Variants in UBE3C observed in about 807,000 individuals in gnomAD.
The protein encoded by UBE3C is ubiquitin-protein ligase E3C.
A neutral mutation model predicts 129.4 loss-of-function variants in UBE3C; 42 were observed. The ratio of observed to expected loss-of-function variants is 0.32; its 90% CI spans 0.25 to 0.42. UBE3C has a LOEUF of 0.42. UBE3C is among the 10% of genes least tolerant of loss of function. The probability of loss-of-function intolerance (pLI) is 1.00; values close to 1 mark genes in which losing one functional copy is unlikely to be tolerated. For missense variants in UBE3C, 1,049 were observed against 1,319.1 expected, an observed-to-expected ratio of 0.80 and a Z score of 3.17; for synonymous variants, 510 against 492.4, an observed-to-expected ratio of 1.04 and a Z score of -0.47.
intron 14 of UBE3C, among the ~76,000 whole-genome samples, chr7:157,219,730 C>T (rs920907379): frequency 6.6e-6 from 1 of 152,138 alleles, no homozygotes; most frequent in Non-Finnish European, 1.5e-5. Context: ...GAAACCCCAT[C>T]TCTGCTAAAA....
chr7:157,175,253 G>T (rs1808488406), intron 5 of UBE3C, among the ~76,000 whole-genome samples: 3 of 146,950 alleles, frequency 2.0e-5, no homozygotes, highest in Non-Finnish European at 4.4e-5. Context: ...GTATCTTTCA[G>T]ATGACTTTTT....
rs753371189 is a variant in UBE3C at position 157,253,939 on chromosome 7, G to A, written c.2695-15G>A. 45 of 1,556,128 alleles carry A rather than the reference G, an allele frequency of 2.9e-5. No individual in the cohort carries two copies. The highest frequency in any genetic ancestry group is 2.9e-4 in the South Asian group (24 of 83,920). Reference sequence around the variant, plus strand: ...ACTTTGAGGATTTTGAGATCCTTACGTTTTGTATTCCCAGGTAGTTGAACT... The same window carrying A: ...ACTTTGAGGATTTTGAGATCCTTACATTTTGTATTCCCAGGTAGTTGAACT... On this transcript the variant is annotated splice_polypyrimidine_tract_variant and intron_variant, in intron 19 of 22. Transcript: ENST00000348165.
At chr7:157,259,440 AGT>A (rs1796840449) in intron 22 of UBE3C, among the ~76,000 whole-genome samples, 1 of 152,252 alleles carries the variant, frequency 6.6e-6, no homozygotes, top group African/African-American at 2.4e-5. Context: ...ATTTTCACAC[AGT>A]GTGTTTATGA....
intron 13 of UBE3C, among the ~76,000 whole-genome samples, chr7:157,211,173 A>AGAGAGAGAGAGAGAGG (rs1809583410): frequency 6.6e-6 from 1 of 151,518 alleles, no homozygotes; most frequent in African/African-American, 2.4e-5. Flanking sequence ...GTCTGGAGAG[A>AGAGAGAGAGAGAGAGG]GAGAGAGAGA....
At chr7:157,254,334 G>T in intron 21 of UBE3C, 24 bp downstream of exon 21, 1 of 1,398,744 alleles carries the variant, frequency 7.1e-7, no homozygotes, top group Non-Finnish European at 9.4e-7. Context: ...GCTAGTTATT[G>T]TTTCTGAAAA....
In UBE3C at chr7:157,207,892, A is replaced by C. The variant is rs779194521; in HGVS notation, c.1766A>C (p.Gln589Pro). The change falls in exon 13 of 23, where the codon CAA becomes CCA. Residue 589 changes from glutamine (Q) to proline (P), a missense_variant. Coordinates refer to ENST00000348165, the MANE Select transcript of UBE3C (RefSeq NM_014671.3). ...IGVTTSSEMQQCIQMEQKRWI... is the reference protein window; with the variant it reads ...IGVTTSSEMQPCIQMEQKRWI... The stretch of plus-strand genomic sequence containing the variant: ...GTTACTACTAGCTCTGAAATGCAAC[A>C]ATGCATACAGATGGAACAGAAAAGA... 3 of 1,612,036 alleles carry C rather than the reference A, an allele frequency of 1.9e-6. No individual in the cohort carries two copies. The highest frequency in any genetic ancestry group is 2.5e-6 in the Non-Finnish European group (3 of 1,179,206).
intron 4 of UBE3C, 60 bp from the exon 5 acceptor site, chr7:157,174,859 A>C (rs1808472650): frequency 2.9e-6 from 4 of 1,364,506 alleles, no homozygotes; most frequent in Non-Finnish European, 4.0e-6. Flanking sequence ...GGTATTATGT[A>C]AATTAGCAAA....
intron 13 of UBE3C, 28 bp from the exon 14 acceptor site, chr7:157,216,839 G>A: frequency 6.4e-7 from 1 of 1,570,040 alleles, no homozygotes; most frequent in Non-Finnish European, 8.8e-7. Flanking sequence ...GCTCACGTGT[G>A]TGACGCGGAT....
chr7:157,186,739 G>T lies in UBE3C; in HGVS notation c.1144-95G>T, dbSNP rs1808816461. ...TTTGAGATGATGCCTAGCTTTCTTT[G>T]CCCGAAGAAAAATGTGATTTCGTAT... On this transcript the variant is annotated intron_variant, in intron 9 of 22. Transcript: ENST00000348165. 1.3e-5 allele frequency: 18 copies of T among 1,432,818 alleles called. 1 individual carries two copies. The South Asian group carries it at 2.2e-4, about 18-fold the overall frequency. The allele number at this position is 1,432,818 out of a possible 1,614,324, so 88.8% of individuals were successfully genotyped here. A position where few individuals can be genotyped will look rare whatever the true frequency, so the allele number is the denominator to read the frequency against.
intron 14 of UBE3C, among the ~76,000 whole-genome samples, chr7:157,219,221 C>G (rs1007861022): frequency 1.3e-5 from 2 of 152,174 alleles, no homozygotes; most frequent in African/African-American, 4.8e-5. Context: ...AATAGCTGCA[C>G]CTCTTCCTTA....
Position 157,161,454 on chromosome 7 carries a change from CTT to C in UBE3C, c.67-2342_67-2341del, listed in dbSNP as rs58211871. Among the ~76,000 whole-genome samples, 399 of 141,148 alleles carry C rather than the reference CTT, an allele frequency of 2.8e-3. 2 individuals carry two copies. Among genetic ancestry groups the C allele is most frequent in the African/African-American group, 7.6e-3 (289 of 37,910 alleles). The allele number at this position is 141,148 out of a possible 152,430, so 92.6% of individuals were successfully genotyped here. On this transcript the variant is annotated intron_variant, in intron 1 of 22. Coordinates refer to ENST00000348165, the MANE Select transcript of UBE3C (RefSeq NM_014671.3). ...TGGAGGATTAATTTCTTTGATTTTACTTTTTTTTTTTTTTTGAGACAGGGTCT... is the reference window on the plus strand; with the variant it reads ...TGGAGGATTAATTTCTTTGATTTTACTTTTTTTTTTTTTGAGACAGGGTCT...
Position 157,186,964 on chromosome 7 carries a change from T to G in UBE3C, c.1274T>G (p.Met425Arg). ...DSASEEVFTT[M>R]ASVCHTLMVQ... is the part of the protein sequence containing the mutation. ...GCGAGCGAGGAGGTCTTCACCACCA[T>G]GGCCTCCGTCTGCCACACGCTGATG... The change falls in exon 10 of 23, where the codon ATG (methionine) becomes AGG (arginine). Residue 425 changes from methionine to arginine, a missense_variant. Coordinates refer to ENST00000348165, the MANE Select transcript of UBE3C (RefSeq NM_014671.3). 6.2e-7 allele frequency: 1 copy of G among 1,613,310 alleles called. No individual in the cohort carries two copies. The highest frequency in any genetic ancestry group is 8.5e-7 in the Non-Finnish European group (1 of 1,179,674).
chr7:157,240,850 G>A (rs574201658), intron 18 of UBE3C, among the ~76,000 whole-genome samples: 12 of 152,302 alleles, frequency 7.9e-5, no homozygotes, highest in African/African-American at 2.9e-4. Flanking sequence ...GGTAGCTAAG[G>A]TGGAGTTGAG....
intron 10 of UBE3C, among the ~76,000 whole-genome samples, chr7:157,189,485 T>C (rs1808895139): frequency 6.6e-6 from 1 of 152,206 alleles, no homozygotes; most frequent in African/African-American, 2.4e-5. Flanking sequence ...AGATAGCCTG[T>C]TAGAAAAGTG....
At position 157,261,990 on chromosome 7, in the gene UBE3C, G is replaced by A. The variant is rs139452805; in HGVS notation, c.3081+4946G>A. Among the ~76,000 whole-genome samples, 459 of 152,254 alleles carry A rather than the reference G, an allele frequency of 3.0e-3. 8 individuals carry two copies. The highest frequency in any genetic ancestry group is 9.6e-3 in the African/African-American group (399 of 41,544). On this transcript the variant is annotated intron_variant, in intron 22 of 22. Coordinates refer to ENST00000348165, the MANE Select transcript of UBE3C (RefSeq NM_014671.3). ...AGTCTCCAAGTAGGAAATTCAATTA[G>A]CGTTATGAAAGAAACACTAAAATGT...
At chr7:157,217,541 T>C (rs569024717) in intron 14 of UBE3C, among the ~76,000 whole-genome samples, 1 of 152,214 alleles carries the variant, frequency 6.6e-6, no homozygotes, top group Admixed American at 6.5e-5. Flanking sequence ...GATACGTTAG[T>C]AAAAAATTTA....
intron 11 of UBE3C, among the ~76,000 whole-genome samples, chr7:157,202,749 C>A (rs989640249): frequency 6.6e-6 from 1 of 152,178 alleles, no homozygotes; most frequent in Non-Finnish European, 1.5e-5. Flanking sequence ...ACTAAACTTA[C>A]AAGATGCAAC....
intron 1 of UBE3C, among the ~76,000 whole-genome samples, chr7:157,143,350 A>G (rs1443623785): frequency 6.6e-6 from 1 of 152,160 alleles, no homozygotes; most frequent in East Asian, 1.9e-4. Context: ...TAGGCAAAAC[A>G]AAAAGAAACA....
At chr7:157,205,458 C>T (rs1037608130) in intron 11 of UBE3C, among the ~76,000 whole-genome samples, 5 of 152,070 alleles carry the variant, frequency 3.3e-5, no homozygotes, top group East Asian at 3.9e-4. Flanking sequence ...GGATTCTTGT[C>T]GGGGATAACA....
Sources: gnomAD v4.1 joint callset for allele counts (sites outside exome capture counted in the v4.1 genomes callset) on GRCh38, gnomAD v4.1.1 for gene constraint, MANE v1.5 for transcripts, NCBI Gene and HGNC (gene_info 2026-07-23, HGNC 2026-07-21) for gene names.